The following SPAG17 variants were observed in gnomAD, a reference collection of about 807,000 sequenced individuals.
The protein encoded by SPAG17 is sperm-associated antigen 17.
In SPAG17, 169 loss-of-function variants were observed where a neutral mutation model predicts 273.6. That is an observed-to-expected ratio of 0.62 (90% CI 0.55 to 0.70). The LOEUF is 0.70. Ranked by LOEUF, SPAG17 falls within the 30% of genes least tolerant of loss-of-function variation. The probability of loss-of-function intolerance (pLI) is 0.00; values close to 1 mark genes in which losing one functional copy is unlikely to be tolerated. For synonymous variants in SPAG17, 825 were observed against 873.2 expected (o/e 0.94, Z 0.97); for missense variants, 2,557 against 2,627.8 (o/e 0.97, Z 0.59).
chr1:118,066,846 G>A lies in SPAG17; in HGVS notation c.2439C>T (p.Thr813=). Residue 813 remains threonine, a synonymous_variant, in exon 18 of 49, where the codon ACC becomes ACT. Transcript: ENST00000336338. The stretch of plus-strand genomic sequence containing the variant: ...AGACTAAAAGTAAAGAGTTGTCTTG[G>A]GTGTGGTAGTAAGAATCAACACACC... The part of the protein sequence containing the change: ...QYRCVDSYYH[T]QDNSLLLVFH... The A allele has an allele frequency of 6.2e-7, 1 of 1,613,748 alleles. No individual in the cohort carries two copies. The highest frequency in any genetic ancestry group is 8.5e-7 in the Non-Finnish European group (1 of 1,179,806).
chr1:118,051,677 T>G (rs1268607106), intron 20 of SPAG17, among the ~76,000 whole-genome samples: 1 of 145,948 alleles, frequency 6.9e-6, no homozygotes, highest in Non-Finnish European at 1.5e-5. Flanking sequence ...TAATATATAA[T>G]AGTATTATAT....
intron 48 of SPAG17, chr1:117,963,567 A>G (rs1653400395): frequency 7.3e-6 from 2 of 273,984 alleles, no homozygotes; most frequent in African/African-American, 4.3e-5. Context: ...GGTTTCACCA[A>G]GTTAGCCAGG....
At chr1:118,034,245 C>T (rs776929980) in intron 24 of SPAG17, among the ~76,000 whole-genome samples, 17 of 152,148 alleles carry the variant, frequency 1.1e-4, no homozygotes, top group Non-Finnish European at 2.1e-4. Context: ...CAGATTAGAA[C>T]CCGTCAGGTA....
chr1:118,171,950 T>C (rs1005165472), intron 1 of SPAG17, among the ~76,000 whole-genome samples: 9 of 152,180 alleles, frequency 5.9e-5, no homozygotes, highest in Non-Finnish European at 1.2e-4. Flanking sequence ...GTCAGTTTTG[T>C]AAAAGGATCA....
At chr1:118,037,842 G>A (rs1242961579) in intron 23 of SPAG17, among the ~76,000 whole-genome samples, 2 of 152,060 alleles carry the variant, frequency 1.3e-5, no homozygotes, top group Non-Finnish European at 2.9e-5. Context: ...TTTCTGACTT[G>A]TTTTATTTTC....
At chr1:118,148,592 A>G (rs1008452328) in intron 3 of SPAG17, among the ~76,000 whole-genome samples, 14 of 152,202 alleles carry the variant, frequency 9.2e-5, no homozygotes, top group African/African-American at 3.4e-4. Context: ...CTAGCTAGAC[A>G]CAGAGCACTG....
intron 28 of SPAG17, 95 bp downstream of exon 28, chr1:118,023,209 G>A (rs886419788): frequency 1.2e-6 from 1 of 808,280 alleles, no homozygotes; most frequent in Non-Finnish European, 1.8e-6. Flanking sequence ...TGTAGAAGAG[G>A]TTGCAAGTAT....
intron 3 of SPAG17, among the ~76,000 whole-genome samples, chr1:118,147,888 T>G (rs530235106): frequency 6.6e-6 from 1 of 152,218 alleles, no homozygotes; most frequent in African/African-American, 2.4e-5. Flanking sequence ...AGTCTCACTT[T>G]AGTTTGCTGC....
rs373084964 is a variant in SPAG17, at chr1:117,973,409, C to G, written c.6141+16G>C. The G allele has an allele frequency of 1.9e-6, 3 of 1,609,092 alleles. No individual in the cohort carries two copies. Among genetic ancestry groups the G allele is most frequent in the Non-Finnish European group, 2.5e-6 (3 of 1,177,322 alleles). ...GCTGATTGGCTGTGGGGAATTTGTT[C>G]CAATGTTTGTTTTACCTTTGCAAGA... is the stretch of plus-strand genomic sequence containing the variant. On this transcript the variant is annotated intron_variant, in intron 44 of 48. Coordinates refer to ENST00000336338, the MANE Select transcript of SPAG17 (RefSeq NM_206996.4).
At chr1:118,064,634 C>T (rs1452726943) in intron 18 of SPAG17, among the ~76,000 whole-genome samples, 1 of 146,864 alleles carries the variant, frequency 6.8e-6, no homozygotes, top group Non-Finnish European at 1.5e-5. Flanking sequence ...ATACCTAATG[C>T]TAAATGACGA....
intron 3 of SPAG17, among the ~76,000 whole-genome samples, chr1:118,149,724 A>G (rs1295606701): frequency 1.3e-5 from 2 of 152,224 alleles, no homozygotes; most frequent in African/African-American, 4.8e-5. Flanking sequence ...TAAAAACTTT[A>G]TTAGTCATCA....
chr1:118,087,103 C>T (rs1655056286), intron 10 of SPAG17, 95 bp from the exon 11 acceptor site: 1 of 1,381,968 alleles, frequency 7.2e-7, no homozygotes, highest in Admixed American at 2.6e-5. Context: ...TAGTAAGAAC[C>T]AGTCCATTTC....
chr1:118,036,878 A>G lies in SPAG17; in HGVS notation c.3325T>C (p.Ser1109Pro). 2 of 1,547,952 alleles carry G rather than the reference A, an allele frequency of 1.3e-6. No homozygotes were observed. The highest frequency in any genetic ancestry group is 1.8e-6 in the Non-Finnish European group (2 of 1,142,428). ...DEEQSLETEV[S>P]DAKNKAFSKF... ...CTGAAAGCTTTATTCTTTGCATCTG[A>G]TACTTCTAAAATACAAAATCGAATC... Residue 1109 changes from serine (S) to proline (P), a missense_variant, in exon 24 of 49, where the codon TCA (serine) becomes CCA (proline). Transcript: ENST00000336338.
chr1:118,025,770 G>C (rs1377311215), intron 26 of SPAG17, among the ~76,000 whole-genome samples: 1 of 152,184 alleles, frequency 6.6e-6, no homozygotes, highest in Non-Finnish European at 1.5e-5. Context: ...GTGATTACAG[G>C]TGTGAGACAC....
chr1:118,038,319 G>A (rs998734814), intron 23 of SPAG17, among the ~76,000 whole-genome samples: 13 of 152,158 alleles, frequency 8.5e-5, no homozygotes, highest in African/African-American at 2.9e-4. Flanking sequence ...ATTCATTACT[G>A]TGGGAATGCA....
intron 8 of SPAG17, among the ~76,000 whole-genome samples, chr1:118,092,232 A>G (rs1352615828): frequency 5.3e-5 from 8 of 152,176 alleles, no homozygotes; most frequent in Admixed American, 5.2e-4. Flanking sequence ...CCACTGAGCA[A>G]TTGTGGAGAA....
intron 4 of SPAG17, among the ~76,000 whole-genome samples, chr1:118,102,231 G>A (rs1460094212): frequency 2.0e-5 from 3 of 152,212 alleles, no homozygotes; most frequent in Non-Finnish European, 2.9e-5. Context: ...TGGTTTGAAG[G>A]CAGGGCGGGA....
At chr1:118,010,204 A>C (rs574270626) in intron 30 of SPAG17, among the ~76,000 whole-genome samples, 2 of 152,180 alleles carry the variant, frequency 1.3e-5, no homozygotes, top group Non-Finnish European at 2.9e-5. Context: ...GTATTTTGAA[A>C]ATTTCTAAGA....
rs1657196294 is a variant in SPAG17, at chr1:117,992,396, C to T, written c.5361+70G>A. 3.5e-6 allele frequency: 5 copies of T among 1,438,044 alleles called. No individual in the cohort carries two copies. The South Asian group carries it at 7.3e-5, about 21-fold the overall frequency. 89.1% of individuals were successfully genotyped at this position (1,438,044 alleles called of 1,614,324 possible). On this transcript the variant is annotated intron_variant, in intron 36 of 48. Coordinates refer to ENST00000336338, the MANE Select transcript of SPAG17 (RefSeq NM_206996.4). ...GGTAGAATTACATAATTTCAGGTTT[C>T]TTAGGAAACCAAAAGCAATGATTGC...
Sources: allele counts gnomAD v4.1 joint callset (sites outside exome capture counted in the v4.1 genomes callset), GRCh38; gene constraint gnomAD v4.1.1; transcripts MANE v1.5; gene names NCBI Gene and HGNC (gene_info 2026-07-23, HGNC 2026-07-21).